Variants in EP400 observed in about 807,000 individuals in gnomAD.
The protein encoded by EP400 is E1A-binding protein p400.
In EP400, 105 loss-of-function variants were observed where a neutral mutation model predicts 354.1. That is an observed-to-expected ratio of 0.30 (90% CI 0.25 to 0.35). The LOEUF is 0.35. Ranked by LOEUF, EP400 falls within the 10% of genes least tolerant of loss-of-function variation. EP400 has a pLI of 1.00. For synonymous variants in EP400, 1,646 were observed against 1,716.9 expected (o/e 0.96, Z 1.02); for missense variants, 3,280 against 4,121.0 (o/e 0.80, Z 5.59).
rs1895939520 is a variant in EP400, at chr12:132,067,785, A to G, written c.8874+299A>G. Among the ~76,000 whole-genome samples the G allele has an allele frequency of 6.8e-6, 1 of 146,628 alleles. No homozygotes were observed. The highest frequency in any genetic ancestry group is 1.5e-5 in the Non-Finnish European group (1 of 67,036). ...GCCTGCATGGCATTGGGACAGACACAGGGGGTGCAATTGCATGATGGGGGC... is the reference window on the plus strand; with the variant it reads ...GCCTGCATGGCATTGGGACAGACACGGGGGGTGCAATTGCATGATGGGGGC... On this transcript the variant is annotated intron_variant, in intron 50 of 52. Transcript: ENST00000389561. The surrounding 1 kb of genome is among the most constrained non-coding windows in gnomAD (Gnocchi z 5.3).
chr12:132,047,176 G>A (rs1895130344), intron 39 of EP400, among the ~76,000 whole-genome samples: 1 of 152,090 alleles, frequency 6.6e-6, no homozygotes, highest in East Asian at 1.9e-4. Context: ...CAAAGCATTT[G>A]TTTGTTTTTT....
chr12:132,021,454 T>C, intron 23 of EP400, 133 bp downstream of exon 23: 3 of 1,285,006 alleles, frequency 2.3e-6, no homozygotes, highest in Non-Finnish European at 3.1e-6. Flanking sequence ...CGGTGCTGCC[T>C]CTCACCAGTG....
intron 52 of EP400, 74 bp from the exon 53 acceptor site, chr12:132,077,327 C>T: frequency 2.0e-6 from 3 of 1,534,924 alleles, no homozygotes; most frequent in Non-Finnish European, 2.6e-6. Context: ...CTCCCCATCC[C>T]AAAGAACGTC....
intron 47 of EP400, 43 bp from the exon 48 acceptor site, chr12:132,064,625 G>A: frequency 1.3e-6 from 2 of 1,592,480 alleles, no homozygotes; most frequent in Non-Finnish European, 8.6e-7. Context: ...AAAGAATGGA[G>A]CACAGTTAAT....
At position 132,027,396 on chromosome 12, in the gene EP400, A is replaced by G. The variant is rs780589499; in HGVS notation, c.5015-41A>G. The G allele has an allele frequency of 3.7e-6, 6 of 1,602,076 alleles. No homozygotes were observed. In the South Asian group the frequency reaches 6.6e-5, roughly 18 times the overall value. ...GCTGGTGTCAGATGAAATCCTGTGA[A>G]CTTGGCGTTCCTTTTCACCTCTTCC... On this transcript the variant is annotated intron_variant, in intron 25 of 52. Transcript: ENST00000389561. This position sits in a 1 kb window ranked among gnomAD's most constrained non-coding sequence, Gnocchi z 4.9.
intron 12 of EP400, among the ~76,000 whole-genome samples, chr12:131,996,676 A>ATGTGTT (rs1893227985): frequency 6.6e-6 from 1 of 152,132 alleles, no homozygotes; most frequent in South Asian, 2.1e-4. Context: ...ACATCTCAAG[A>ATGTGTT]ACTCTTGATA....
intron 1 of EP400, among the ~76,000 whole-genome samples, chr12:131,952,812 C>G (rs149961456): frequency 6.6e-6 from 1 of 152,036 alleles, no homozygotes; most frequent in Admixed American, 6.6e-5. Context: ...GTCTGTTGCC[C>G]GCTGATGGAC....
Position 131,961,589 on chromosome 12 carries a change from A to G in EP400, c.970A>G (p.Arg324Gly), listed in dbSNP as rs541534183. Residue 324 changes from arginine to glycine, a missense_variant, in exon 2 of 53, where the codon AGG (arginine) becomes GGG (glycine). Physicochemically the swap from Arg to Gly is moderately radical, Grantham distance 125. Coordinates refer to ENST00000389561, the MANE Select transcript of EP400 (RefSeq NM_015409.5). ...TSPPPPTSPS[R>G]TAVPPGLSSL... ...CCCACCCCCGCCCACCAGCCCTTCC[A>G]GGACTGCCGTGCCCCCAGGCCTTTC... is the stretch of plus-strand genomic sequence containing the variant. The G allele has an allele frequency of 3.2e-4, 498 of 1,555,052 alleles. 1 individual carries two copies. The Admixed American group carries it at 7.1e-3, about 22-fold the overall frequency.
intron 45 of EP400, among the ~76,000 whole-genome samples, chr12:132,061,412 A>G (rs1316541994): frequency 6.6e-6 from 1 of 152,260 alleles, no homozygotes; most frequent in African/African-American, 2.4e-5. Context: ...GCAATGAGAC[A>G]TAAAAGGATC....
chr12:131,987,864 A>C lies in EP400; in HGVS notation c.2383A>C (p.Arg795=), dbSNP rs780270238. Residue 795 remains arginine (R), a synonymous_variant, in exon 7 of 53, where the codon AGG becomes CGG. Coordinates refer to ENST00000389561, the MANE Select transcript of EP400 (RefSeq NM_015409.5). ...GGCCACAGACTTTGCCCAGGAGAGG[A>C]GGTGGAAGGTGGCTGCTGCGAAGAA... ...WMATDFAQER[R]WKVAAAKKLV... 6.2e-7 allele frequency: 1 copy of C among 1,605,312 alleles called. No individual in the cohort carries two copies. The highest frequency in any genetic ancestry group is 8.5e-7 in the Non-Finnish European group (1 of 1,175,340).
rs370994040 is a variant in EP400 at position 132,020,178 on chromosome 12, G to A, written c.4407G>A (p.Arg1469=). 1.9e-6 allele frequency: 3 copies of A among 1,609,924 alleles called. No individual in the cohort carries two copies. The highest frequency in any genetic ancestry group is 1.1e-5 in the South Asian group (1 of 90,106). The part of the protein sequence containing the change: ...SAAPQGPLRG[R]PPIATFSANP... ...CTCCACAGGGCCCGCTTCGAGGACGGCCGCCCATCGCCACGTTCTCTGCCA... is the reference window on the plus strand; with the variant it reads ...CTCCACAGGGCCCGCTTCGAGGACGACCGCCCATCGCCACGTTCTCTGCCA... The change falls in exon 22 of 53, where the codon CGG becomes CGA. Residue 1469 remains arginine (R), a synonymous_variant. Transcript: ENST00000389561.
chr12:132,073,106 T>C (rs1896111917), intron 51 of EP400, among the ~76,000 whole-genome samples: 1 of 152,182 alleles, frequency 6.6e-6, no homozygotes, highest in East Asian at 1.9e-4. Context: ...ACGTGTCCAC[T>C]TGTCTGTATA....
rs745355622 is a variant in EP400 at position 132,062,469 on chromosome 12, C to T, written c.8102C>T (p.Thr2701Ile). The change falls in exon 47 of 53, where the codon ACA becomes ATA. Residue 2701 changes from threonine to isoleucine, a missense_variant. Around this residue, in one of 20 missense-constraint regions of EP400, gnomAD observed 255 missense variants for 295.9 expected, o/e 0.86. Coordinates refer to ENST00000389561, the MANE Select transcript of EP400 (RefSeq NM_015409.5). ...TAATGAGCAAACCTCTTCATAGCCA[C>T]AGGAGTTCAGCTCCCTGGAAAAACC... ...RSLVPQVSQA[T>I]GVQLPGKTIT... The T allele has an allele frequency of 6.2e-7, 1 of 1,613,150 alleles. No individual in the cohort carries two copies. Among genetic ancestry groups the T allele is most frequent in the Non-Finnish European group, 8.5e-7 (1 of 1,180,030 alleles).
chr12:132,038,945 C>G lies in EP400; in HGVS notation c.6207+849C>G, dbSNP rs11835896. On this transcript the variant is annotated intron_variant, in intron 32 of 52. Transcript: ENST00000389561. The surrounding 1 kb of genome is among the most constrained non-coding windows in gnomAD (Gnocchi z 4.2). The stretch of plus-strand genomic sequence containing the variant: ...TTGGTATCCCTGTACATCTTTCTTC[C>G]TGCCCTGTTTGACTGCAGCGCATGA... Among the ~76,000 whole-genome samples, 1 of 152,144 alleles carries G rather than the reference C, an allele frequency of 6.6e-6. No homozygotes were observed. The highest frequency in any genetic ancestry group is 2.4e-5 in the African/African-American group (1 of 41,422).
chr12:132,076,278 CA>C, intron 51 of EP400: 2 of 614,482 alleles, frequency 3.3e-6, no homozygotes, highest in Non-Finnish European at 6.0e-6. Flanking sequence ...AATATGAGAC[CA>C]AAAATAAGCT....
At position 132,012,996 on chromosome 12, in the gene EP400, C is replaced by T. The variant is rs1893813946; in HGVS notation, c.3442-13C>T. ...GAGTGTGAAGGCACTGAGCTGTCCT[C>T]TCTGTGCTGCAGGAGTGGGCCGAAC... On this transcript the variant is annotated splice_polypyrimidine_tract_variant and intron_variant, in intron 16 of 52. Transcript: ENST00000389561. 6.3e-7 allele frequency: 1 copy of T among 1,596,740 alleles called. No homozygotes were observed. The highest frequency in any genetic ancestry group is 1.3e-5 in the African/African-American group (1 of 74,508).
At chr12:132,055,701 G>A (rs1475128372) in intron 45 of EP400, among the ~76,000 whole-genome samples, 1 of 142,284 alleles carries the variant, frequency 7.0e-6, no homozygotes, top group Non-Finnish European at 1.5e-5. Flanking sequence ...GTGAAGTGTA[G>A]GGGTGTGTGT....
chr12:132,050,113 G>A lies in EP400; in HGVS notation c.7201-210G>A, dbSNP rs1895242600. The stretch of plus-strand genomic sequence containing the variant: ...CACCTGGAAAGGATTAGCATGGACT[G>A]GAGAGTGTCACAGCAGTCGGCCGCG... On this transcript the variant is annotated intron_variant, in intron 39 of 52. Transcript: ENST00000389561. The surrounding 1 kb of genome is among the most constrained non-coding windows in gnomAD (Gnocchi z 4.8). 6.6e-6 allele frequency among the ~76,000 whole-genome samples: 1 copy of A among 152,178 alleles called. No homozygotes were observed. Among genetic ancestry groups the A allele is most frequent in the South Asian group, 2.1e-4 (1 of 4,828 alleles).
At chr12:132,061,859 T>C (rs979979744) in intron 45 of EP400, among the ~76,000 whole-genome samples, 2 of 152,246 alleles carry the variant, frequency 1.3e-5, no homozygotes, top group African/African-American at 4.8e-5. Context: ...CTTTCCAGCA[T>C]GTGCACGGGC....
Sources: allele counts gnomAD v4.1 joint callset (sites outside exome capture counted in the v4.1 genomes callset), GRCh38; gene constraint gnomAD v4.1.1; regional missense constraint gnomAD v4.1.1; non-coding constraint Gnocchi (gnomAD v3.1); transcripts MANE v1.5; gene names NCBI Gene and HGNC (gene_info 2026-07-23, HGNC 2026-07-21).